Variants in ZNF385D observed in about 807,000 individuals in gnomAD.
The protein encoded by ZNF385D is zinc finger protein 385D.
A neutral mutation model predicts 35.8 loss-of-function variants in ZNF385D; 15 were observed. The ratio of observed to expected loss-of-function variants is 0.42; its 90% confidence interval spans 0.28 to 0.64. ZNF385D has a LOEUF of 0.64. ZNF385D is among the 30% of genes least tolerant of loss of function. The pLI is 0.23. For missense variants in ZNF385D, 474 were observed against 494.6 expected (o/e 0.96, Z 0.39); for synonymous variants, 212 against 186.8 (o/e 1.13, Z -1.10).
chr3:22,078,298 C>G (rs1170250217), intron 3 of ZNF385D, among the ~76,000 whole-genome samples: 2 of 151,944 alleles, frequency 1.3e-5, no homozygotes, highest in Non-Finnish European at 2.9e-5. Context: ...AAATTAAACG[C>G]TTGAATGACT....
chr3:21,956,377 A>G (rs1487913754), intron 3 of ZNF385D, among the ~76,000 whole-genome samples: 1 of 151,972 alleles, frequency 6.6e-6, no homozygotes. Flanking sequence ...TATATTTTAT[A>G]ATATAATAGT....
intron 2 of ZNF385D, among the ~76,000 whole-genome samples, chr3:22,271,397 T>C (rs550331659): frequency 6.6e-6 from 1 of 152,118 alleles, no homozygotes; most frequent in African/African-American, 2.4e-5. Flanking sequence ...AAGATTTTTC[T>C]TCAAACTTTT....
chr3:21,751,389 GA>G, upstream of ZNF385D: 1 of 1,027,862 alleles, frequency 9.7e-7, no homozygotes, highest in South Asian at 3.7e-5. Context: ...AAAGCGAGAA[GA>G]GTGTCGGGAT....
At chr3:21,883,479 G>T (rs75184551) in intron 3 of ZNF385D, among the ~76,000 whole-genome samples, 2 of 151,972 alleles carry the variant, frequency 1.3e-5, no homozygotes, top group East Asian at 3.9e-4. Context: ...GAGGGTTTAT[G>T]ATATATATTC....
intron 4 of ZNF385D, among the ~76,000 whole-genome samples, chr3:21,444,246 A>AT (rs1158028958): frequency 3.3e-4 from 50 of 150,590 alleles, no homozygotes; most frequent in Non-Finnish European, 5.3e-4. Flanking sequence ...CGCCCGGCTA[A>AT]TTTTTTTGTA....
intron 2 of ZNF385D, among the ~76,000 whole-genome samples, chr3:22,352,171 T>C (rs1420320080): frequency 1.3e-5 from 2 of 152,164 alleles, no homozygotes; most frequent in African/African-American, 2.4e-5. Context: ...TAATTTACAA[T>C]CCTTACTTTT....
chr3:21,898,052 G>A (rs972537066), intron 3 of ZNF385D, among the ~76,000 whole-genome samples: 1 of 152,012 alleles, frequency 6.6e-6, no homozygotes, highest in South Asian at 2.1e-4. Flanking sequence ...TGTGCACTGG[G>A]ATTGTATTTT....
At chr3:21,805,808 G>A (rs2072615974) in intron 3 of ZNF385D, among the ~76,000 whole-genome samples, 1 of 152,180 alleles carries the variant, frequency 6.6e-6, no homozygotes. Flanking sequence ...CCTAGTGAAA[G>A]AATGGGAAGC....
At chr3:21,928,845 A>G (rs1411509776) in intron 3 of ZNF385D, among the ~76,000 whole-genome samples, 1 of 152,218 alleles carries the variant, frequency 6.6e-6, no homozygotes, top group Non-Finnish European at 1.5e-5. Context: ...AATTAAAATT[A>G]TTCACAGAGA....
At chr3:22,353,064 A>T (rs548530702) in intron 2 of ZNF385D, among the ~76,000 whole-genome samples, 1 of 152,306 alleles carries the variant, frequency 6.6e-6, no homozygotes, top group East Asian at 1.9e-4. Flanking sequence ...AGGAAAAAAG[A>T]TGTTGAGTTC....
intron 4 of ZNF385D, among the ~76,000 whole-genome samples, chr3:21,510,157 C>T (rs904150051): frequency 5.3e-5 from 8 of 152,060 alleles, no homozygotes; most frequent in African/African-American, 1.2e-4. Flanking sequence ...CTGTAGATTT[C>T]GAAAACCAGT....
At chr3:21,847,769 C>T (rs537827461) in intron 3 of ZNF385D, among the ~76,000 whole-genome samples, 1 of 152,070 alleles carries the variant, frequency 6.6e-6, no homozygotes, top group Admixed American at 6.6e-5. Flanking sequence ...CCCTCTTATT[C>T]CTTTGCAATC....
intron 3 of ZNF385D, among the ~76,000 whole-genome samples, chr3:21,788,686 T>C (rs2071801328): frequency 6.6e-6 from 1 of 152,198 alleles, no homozygotes; most frequent in Non-Finnish European, 1.5e-5. Context: ...TTCGGGGGCA[T>C]ATGTGCATTT....
chr3:21,548,696 A>T (rs1245999511), intron 3 of ZNF385D, among the ~76,000 whole-genome samples: 1 of 152,184 alleles, frequency 6.6e-6, no homozygotes, highest in African/African-American at 2.4e-5. Flanking sequence ...TAACTTCTGT[A>T]TTGTGTGCAG....
At chr3:22,126,929 T>A (rs190548614) in intron 3 of ZNF385D, among the ~76,000 whole-genome samples, 1 of 152,290 alleles carries the variant, frequency 6.6e-6, no homozygotes. Flanking sequence ...CATAATAAAG[T>A]TCTTTGTCCC....
intron 2 of ZNF385D, among the ~76,000 whole-genome samples, chr3:21,603,359 T>G (rs1277220210): frequency 6.7e-6 from 1 of 149,732 alleles, no homozygotes; most frequent in Non-Finnish European, 1.5e-5. Flanking sequence ...GTTAAAAGTG[T>G]GTCCCTTCAG....
intron 3 of ZNF385D, among the ~76,000 whole-genome samples, chr3:22,112,480 T>A (rs989586686): frequency 1.8e-4 from 27 of 152,140 alleles, no homozygotes; most frequent in African/African-American, 6.5e-4. Flanking sequence ...CCAGTAATTC[T>A]TAATTTCTTG....
At chr3:21,849,969 C>A (rs757099223) in intron 3 of ZNF385D, among the ~76,000 whole-genome samples, 12 of 151,970 alleles carry the variant, frequency 7.9e-5, no homozygotes, top group Non-Finnish European at 1.0e-4. Flanking sequence ...GTCTCGAACT[C>A]CTGGACTCCA....
chr3:22,004,141 C>T lies in ZNF385D; in HGVS notation c.325+164676G>A, dbSNP rs1318099768. On this transcript the variant is annotated intron_variant, in intron 3 of 5. Coordinates refer to the ZNF385D transcript ENST00000494108. ...AACAGAAGAGAACCCAGAAATAAAT[C>T]CACATATTTATAGCCAACTGACTTT... is the stretch of plus-strand genomic sequence containing the variant. Among the ~76,000 whole-genome samples the T allele has an allele frequency of 5.3e-5, 8 of 152,174 alleles. No homozygotes were observed. The East Asian group carries it at 5.8e-4, about 11-fold the overall frequency.
Sources: gnomAD v4.1 joint callset for allele counts (sites outside exome capture counted in the v4.1 genomes callset) on GRCh38, gnomAD v4.1.1 for gene constraint, MANE v1.5 for transcripts, NCBI Gene and HGNC (gene_info 2026-07-23, HGNC 2026-07-21) for gene names.